The following SLC25A21 variants were observed in gnomAD, a reference collection of about 807,000 sequenced individuals.
SLC25A21 encodes mitochondrial 2-oxodicarboxylate carrier.
A neutral mutation model predicts 43.8 loss-of-function variants in SLC25A21; 47 were observed. The ratio of observed to expected loss-of-function variants is 1.07; its 90% CI spans 0.85 to 1.37. The LOEUF (loss-of-function observed/expected upper bound fraction) is 1.37. SLC25A21 is among the 40% of genes most tolerant of loss of function. The pLI, the probability that SLC25A21 is intolerant of heterozygous loss-of-function variation, is 0.00. For synonymous variants in SLC25A21, 131 were observed against 121.3 expected (o/e 1.08, Z -0.52); for missense variants, 352 against 350.2 (o/e 1.00, Z -0.04).
At chr14:36,764,131 AGAAGGAAAGAAG>A (rs1566587920) in intron 3 of SLC25A21, among the ~76,000 whole-genome samples, 15 of 58,010 alleles carry the variant, frequency 2.6e-4, no homozygotes, top group African/African-American at 1.1e-3. Context: ...AAAGAAGGAA[AGAAGGAAAGAAG>A]GAAAGAAAGA....
At chr14:36,728,480 G>GA (rs1486492636) in intron 5 of SLC25A21, among the ~76,000 whole-genome samples, 2 of 152,110 alleles carry the variant, frequency 1.3e-5, no homozygotes, top group South Asian at 2.1e-4. Flanking sequence ...GAATTAAAAG[G>GA]AAAAAATCCC....
rs931693149 is a variant in SLC25A21 at position 36,947,007 on chromosome 14, C to T, written c.71-72003G>A. On this transcript the variant is annotated intron_variant, in intron 1 of 9. Transcript: ENST00000331299. ...CCAAGAAATTACTTTATTCTATATC[C>T]TCCAGCTCTCCTAGACCCACCTCAT... Among the ~76,000 whole-genome samples, 5 of 152,232 alleles carry T rather than the reference C, an allele frequency of 3.3e-5. No homozygotes were observed. In the East Asian group the frequency reaches 9.6e-4, roughly 29 times the overall value.
intron 1 of SLC25A21, among the ~76,000 whole-genome samples, chr14:37,061,275 A>C (rs1304928266): frequency 6.6e-6 from 1 of 152,230 alleles, no homozygotes; most frequent in Non-Finnish European, 1.5e-5. Context: ...ACCAACGAAC[A>C]GCAACTGGTC....
rs1181683307 is a variant in SLC25A21, at chr14:36,708,293, T to C, written c.603+3025A>G. On this transcript the variant is annotated intron_variant, in intron 7 of 9. Transcript: ENST00000331299. The stretch of plus-strand genomic sequence containing the variant: ...TATCTTTTATTTAAAGATTTAGAGA[T>C]AGTTTTCAGAGTCCTGATTAATAAA... Among the ~76,000 whole-genome samples the C allele has an allele frequency of 2.6e-5, 4 of 152,216 alleles. No homozygotes were observed. In the South Asian group the frequency reaches 8.3e-4, roughly 32 times the overall value.
At chr14:36,765,246 T>C (rs1227588342) in intron 3 of SLC25A21, among the ~76,000 whole-genome samples, 1 of 152,156 alleles carries the variant, frequency 6.6e-6, no homozygotes, top group East Asian at 1.9e-4. Flanking sequence ...TGAGACTTCA[T>C]GTGGAGAGAG....
chr14:36,949,058 G>C (rs1892741519), intron 1 of SLC25A21, among the ~76,000 whole-genome samples: 1 of 152,208 alleles, frequency 6.6e-6, no homozygotes, highest in Non-Finnish European at 1.5e-5. Flanking sequence ...GAGGCTTACA[G>C]AGATCGAGTG....
intron 2 of SLC25A21, among the ~76,000 whole-genome samples, chr14:36,836,195 A>G (rs964440478): frequency 5.3e-5 from 8 of 152,192 alleles, no homozygotes; most frequent in African/African-American, 1.9e-4. Context: ...CTGTACTGCT[A>G]TTGAGTGGCC....
At chr14:36,943,945 A>G (rs1288790943) in intron 1 of SLC25A21, among the ~76,000 whole-genome samples, 1 of 152,216 alleles carries the variant, frequency 6.6e-6, no homozygotes, top group Admixed American at 6.5e-5. Context: ...AGATGTTTAT[A>G]TTAAATATAA....
chr14:37,134,430 G>C (rs1048903858), intron 1 of SLC25A21, among the ~76,000 whole-genome samples: 1 of 152,108 alleles, frequency 6.6e-6, no homozygotes, highest in African/African-American at 2.4e-5. Flanking sequence ...CTGACACTCA[G>C]TACTTTTTCC....
rs113893545 is a variant in SLC25A21 at position 36,692,769 on chromosome 14, G to C, written c.604-7844C>G. The stretch of plus-strand genomic sequence containing the variant: ...TCTGCAAAAGGCAAGGTTGAGTAGA[G>C]GACAGCAATAGGGCTTTTCATTTAA... On this transcript the variant is annotated intron_variant, in intron 7 of 9. Coordinates refer to ENST00000331299, the MANE Select transcript of SLC25A21 (RefSeq NM_030631.4). 6.4e-3 allele frequency among the ~76,000 whole-genome samples: 981 copies of C among 152,272 alleles called. 15 individuals carry two copies. The highest frequency in any genetic ancestry group is 0.023 in the African/African-American group (935 of 41,548).
intron 1 of SLC25A21, among the ~76,000 whole-genome samples, chr14:36,964,582 C>T (rs571065698): frequency 1.2e-4 from 18 of 152,234 alleles, no homozygotes; most frequent in South Asian, 6.2e-4. Flanking sequence ...CACTAATGTG[C>T]GTAAAGTTCT....
At chr14:36,844,709 A>T (rs2138504845) in intron 2 of SLC25A21, among the ~76,000 whole-genome samples, 1 of 152,338 alleles carries the variant, frequency 6.6e-6, no homozygotes, top group East Asian at 1.9e-4. Flanking sequence ...GAAGGCTTCC[A>T]GGTTAATGAA....
At chr14:36,747,877 G>C (rs1233924515) in intron 3 of SLC25A21, among the ~76,000 whole-genome samples, 1 of 152,114 alleles carries the variant, frequency 6.6e-6, no homozygotes, top group Admixed American at 6.6e-5. Flanking sequence ...TGATTTAGTG[G>C]ACTTTCAATT....
chr14:37,067,562 G>T (rs1269276961), intron 1 of SLC25A21, among the ~76,000 whole-genome samples: 1 of 152,084 alleles, frequency 6.6e-6, no homozygotes, highest in Non-Finnish European at 1.5e-5. Context: ...CAAGCGGAAG[G>T]AAAGTGATCC....
At chr14:37,153,177 A>C (rs1438928200) in intron 1 of SLC25A21, among the ~76,000 whole-genome samples, 2 of 152,208 alleles carry the variant, frequency 1.3e-5, no homozygotes, top group African/African-American at 4.8e-5. Flanking sequence ...TGGGAGACGA[A>C]GGGACAGGGC....
rs569909879 is a variant in SLC25A21 at position 36,882,580 on chromosome 14, C to T, written c.71-7576G>A. ...AGAAGAGGGAGCATTTATCTTTACTCACTGAATAAATTACATCAAATACCT... is the reference window on the plus strand; with the variant it reads ...AGAAGAGGGAGCATTTATCTTTACTTACTGAATAAATTACATCAAATACCT... On this transcript the variant is annotated intron_variant, in intron 1 of 9. Transcript: ENST00000331299. Among the ~76,000 whole-genome samples the T allele has an allele frequency of 9.2e-5, 14 of 152,162 alleles. No individual in the cohort carries two copies. The South Asian group carries it at 2.9e-3, about 32-fold the overall frequency.
intron 1 of SLC25A21, among the ~76,000 whole-genome samples, chr14:36,923,928 CTCA>C (rs1210609785): frequency 2.0e-5 from 3 of 152,152 alleles, no homozygotes; most frequent in Non-Finnish European, 4.4e-5. Context: ...TGAAAAAATG[CTCA>C]TCATCACTGG....
intron 1 of SLC25A21, among the ~76,000 whole-genome samples, chr14:37,085,253 T>C (rs1962462545): frequency 6.6e-6 from 1 of 152,158 alleles, no homozygotes; most frequent in African/African-American, 2.4e-5. Flanking sequence ...TTGGATGACA[T>C]CAGTTTTTGC....
intron 1 of SLC25A21, among the ~76,000 whole-genome samples, chr14:37,150,518 A>C (rs1963740581): frequency 6.6e-6 from 1 of 152,226 alleles, no homozygotes; most frequent in Non-Finnish European, 1.5e-5. Flanking sequence ...TGTATTTTTC[A>C]AGTGTAGAAT....
Sources: gnomAD v4.1 joint callset for allele counts (sites outside exome capture counted in the v4.1 genomes callset) on GRCh38, gnomAD v4.1.1 for gene constraint, MANE v1.5 for transcripts, NCBI Gene and HGNC (gene_info 2026-07-23, HGNC 2026-07-21) for gene names.